BLK: variants seen among roughly 807,000 people sequenced by gnomAD.
BLK encodes tyrosine-protein kinase Blk.
In BLK, 64 loss-of-function variants were observed where a neutral mutation model predicts 61.8. That is an observed-to-expected ratio of 1.03 (90% confidence interval 0.85 to 1.27). The LOEUF is 1.27. Among genes scored for constraint, BLK ranks in the 50% most tolerant of loss-of-function variants. BLK has a pLI of 0.00. For synonymous variants in BLK, 351 were observed against 272.0 expected, an observed-to-expected ratio of 1.29 and a Z score of -2.86; for missense variants, 853 against 660.5, an observed-to-expected ratio of 1.29 and a Z score of -3.19.
At position 11,563,909 on chromosome 8, in the gene BLK, G is replaced by C; in HGVS notation, c.1319G>C (p.Ser440Thr). Residue 440 changes from serine (S) to threonine (T), a missense_variant, in exon 13 of 13, where the codon AGC becomes ACC. By Grantham distance (58) the Ser-to-Thr change is moderately conservative. Coordinates refer to ENST00000259089, the MANE Select transcript of BLK (RefSeq NM_001715.3). ...TYGRVPYPGMSNPEVIRNLER... is the reference protein window; with the variant it reads ...TYGRVPYPGMTNPEVIRNLER... ...GCGGTCTCCTCTGCCGCAGGGATGA[G>C]CAACCCCGAGGTCATCCGCAACCTG... 6.2e-7 allele frequency: 1 copy of C among 1,608,898 alleles called. No individual in the cohort carries two copies. Among genetic ancestry groups the C allele is most frequent in the Non-Finnish European group, 8.5e-7 (1 of 1,179,390 alleles).
intron 1 of BLK, among the ~76,000 whole-genome samples, chr8:11,498,866 T>C (rs1447695767): frequency 3.3e-5 from 5 of 152,210 alleles, no homozygotes; most frequent in African/African-American, 1.2e-4. Context: ...AGCACACAAC[T>C]TTTCTTACAG....
At chr8:11,553,015 CATAT>C (rs1337263207) in intron 6 of BLK, 1 of 158,174 alleles carries the variant, frequency 6.3e-6, no homozygotes, top group Non-Finnish European at 1.4e-5. Context: ...CACGCATGCA[CATAT>C]ACACACACAC....
chr8:11,550,085 A>T (rs1465259588), intron 5 of BLK, 74 bp from the exon 6 acceptor site: 1 of 1,315,014 alleles, frequency 7.6e-7, no homozygotes. Flanking sequence ...CAGGCAGTGC[A>T]GGAGGGAGGC....
intron 1 of BLK, among the ~76,000 whole-genome samples, chr8:11,513,868 T>C (rs1433121646): frequency 6.6e-6 from 1 of 152,164 alleles, no homozygotes; most frequent in Admixed American, 6.5e-5. Flanking sequence ...CTTGGGGTAA[T>C]GGAGCAGCTG....
chr8:11,539,802 A>C (rs375620768), intron 1 of BLK, among the ~76,000 whole-genome samples: 2 of 152,226 alleles, frequency 1.3e-5, no homozygotes, highest in Non-Finnish European at 2.9e-5. Context: ...CAAATGAAAC[A>C]ATAATTATAA....
chr8:11,521,862 C>G (rs922324294), intron 1 of BLK, among the ~76,000 whole-genome samples: 1 of 152,176 alleles, frequency 6.6e-6, no homozygotes, highest in Non-Finnish European at 1.5e-5. Context: ...GGACTCCTCT[C>G]TATCTTGGTT....
intron 9 of BLK, among the ~76,000 whole-genome samples, chr8:11,557,290 C>A (rs893137376): frequency 6.6e-6 from 1 of 152,196 alleles, no homozygotes; most frequent in African/African-American, 2.4e-5. Flanking sequence ...AGGTCCACGG[C>A]GTGGCCAAGT....
At position 11,563,990 on chromosome 8, in the gene BLK, G is replaced by A; in HGVS notation, c.1400G>A (p.Gly467Asp). 6.2e-7 allele frequency: 1 copy of A among 1,606,028 alleles called. No homozygotes were observed. Among genetic ancestry groups the A allele is most frequent in the Non-Finnish European group, 8.5e-7 (1 of 1,179,294 alleles). ...ACCTGCCCGCCCGAGCTGTACCGCG[G>A]CGTCATCGCCGAGTGCTGGCGCAGC... ...PDTCPPELYR[G>D]VIAECWRSRP... Residue 467 changes from glycine to aspartate, a missense_variant, in exon 13 of 13, where the codon GGC becomes GAC. Coordinates refer to ENST00000259089, the MANE Select transcript of BLK (RefSeq NM_001715.3).
intron 1 of BLK, among the ~76,000 whole-genome samples, chr8:11,499,410 C>T (rs1422893297): frequency 1.3e-5 from 2 of 152,160 alleles, no homozygotes; most frequent in African/African-American, 2.4e-5. Context: ...TTGGGAACTT[C>T]CCCTGTATCC....
chr8:11,549,991 A>C (rs553536426), intron 5 of BLK, 168 bp from the exon 6 acceptor site: 1 of 686,684 alleles, frequency 1.5e-6, no homozygotes, highest in African/African-American at 1.8e-5. Context: ...AGCGGGGCAG[A>C]GGGCACTGAC....
intron 10 of BLK, chr8:11,560,857 G>A: frequency 2.2e-6 from 1 of 460,710 alleles, no homozygotes; most frequent in Non-Finnish European, 4.4e-6. Flanking sequence ...GCTTGCTAGA[G>A]GTCAGCGACT....
chr8:11,507,739 C>A (rs1444516518), intron 1 of BLK, among the ~76,000 whole-genome samples: 1 of 152,082 alleles, frequency 6.6e-6, no homozygotes, highest in African/African-American at 2.4e-5. Context: ...GACAGTGAGG[C>A]AGGATGGTGA....
intron 1 of BLK, among the ~76,000 whole-genome samples, chr8:11,496,229 T>G (rs1046673919): frequency 2.0e-5 from 3 of 152,010 alleles, no homozygotes; most frequent in African/African-American, 4.8e-5. Context: ...GTGGGGGTTG[T>G]TTTTCGTTTA....
chr8:11,556,388 C>T (rs1801224151), intron 8 of BLK: 4 of 502,296 alleles, frequency 8.0e-6, no homozygotes, highest in East Asian at 7.5e-5. Flanking sequence ...AGGTTCCGTG[C>T]AGGACAGAAG....
chr8:11,510,294 C>A (rs561465185), intron 1 of BLK, among the ~76,000 whole-genome samples: 3 of 152,226 alleles, frequency 2.0e-5, no homozygotes, highest in Middle Eastern at 3.4e-3. Context: ...TTCTCCAGCT[C>A]CTTGACGGCC....
chr8:11,538,520 T>C (rs1800230501), intron 1 of BLK, among the ~76,000 whole-genome samples: 1 of 152,214 alleles, frequency 6.6e-6, no homozygotes, highest in Non-Finnish European at 1.5e-5. Flanking sequence ...GGTCATTTAA[T>C]CTTAGGAATT....
chr8:11,548,817 G>A (rs1222424512), intron 4 of BLK, among the ~76,000 whole-genome samples: 1 of 152,236 alleles, frequency 6.6e-6, no homozygotes. Context: ...GTCAGGCTGT[G>A]TAGATAAGCT....
At chr8:11,542,760 T>G (rs1449838864) in intron 1 of BLK, among the ~76,000 whole-genome samples, 1 of 152,218 alleles carries the variant, frequency 6.6e-6, no homozygotes, top group Non-Finnish European at 1.5e-5. Context: ...GAGAGAACGT[T>G]AGTCATCTTC....
intron 1 of BLK, among the ~76,000 whole-genome samples, chr8:11,542,758 G>A (rs1003480635): frequency 1.2e-4 from 18 of 152,218 alleles, no homozygotes; most frequent in African/African-American, 2.4e-4. Context: ...GGGAGAGAAC[G>A]TTAGTCATCT....
Sources: gnomAD v4.1 joint callset for allele counts (sites outside exome capture counted in the v4.1 genomes callset) on GRCh38, gnomAD v4.1.1 for gene constraint, MANE v1.5 for transcripts, NCBI Gene and HGNC (gene_info 2026-07-23, HGNC 2026-07-21) for gene names.